Variants in SIPA1L3 observed in about 807,000 individuals in gnomAD.
The protein encoded by SIPA1L3 is signal-induced proliferation-associated 1-like protein 3.
In SIPA1L3, 59 loss-of-function variants were observed where a neutral mutation model predicts 150.1. That is an observed-to-expected ratio of 0.39 (90% CI 0.32 to 0.49). The LOEUF is 0.49. Ranked by LOEUF, SIPA1L3 falls within the 20% of genes least tolerant of loss-of-function variation. The pLI is 0.86. For synonymous variants in SIPA1L3, 1,070 were observed against 1,077.6 expected (o/e 0.99, Z 0.14); for missense variants, 2,211 against 2,489.5 (o/e 0.89, Z 2.38).
intron 1 of SIPA1L3, among the ~76,000 whole-genome samples, chr19:37,973,745 G>A (rs928132851): frequency 6.6e-6 from 1 of 152,144 alleles, no homozygotes; most frequent in African/African-American, 2.4e-5. Context: ...TTGTCCTTTA[G>A]TGAGGGGTAA....
chr19:37,928,112 T>C (rs114859098), intron 1 of SIPA1L3, among the ~76,000 whole-genome samples: 47 of 152,266 alleles, frequency 3.1e-4, no homozygotes, highest in African/African-American at 1.1e-3. Flanking sequence ...GGTAATTCTA[T>C]TTTTAGTTCT....
At chr19:38,188,809 G>T (rs574579007) in intron 16 of SIPA1L3, among the ~76,000 whole-genome samples, 1 of 151,778 alleles carries the variant, frequency 6.6e-6, no homozygotes, top group African/African-American at 2.4e-5. Context: ...TGTAGTCCCA[G>T]CTACTCTGGA....
Position 38,119,733 on chromosome 19 carries a change from G to T in SIPA1L3, c.2719G>T (p.Val907Leu). ...GCTCCTGGACTTACGCACCAAGGAGGTGGTGTTCAACTGCTACTGCGGGGA... is the reference window on the plus strand; with the variant it reads ...GCTCCTGGACTTACGCACCAAGGAGTTGGTGTTCAACTGCTACTGCGGGGA... ...VVLLDLRTKE[V>L]VFNCYCGDVI... Residue 907 changes from valine (V) to leucine (L), a missense_variant, in exon 9 of 22, where the codon GTG becomes TTG. Transcript: ENST00000222345. The T allele has an allele frequency of 6.2e-7, 1 of 1,614,182 alleles. No individual in the cohort carries two copies. Among genetic ancestry groups the T allele is most frequent in the Non-Finnish European group, 8.5e-7 (1 of 1,180,020 alleles).
At chr19:38,122,876 C>A (rs943894144) in intron 9 of SIPA1L3, among the ~76,000 whole-genome samples, 6 of 152,166 alleles carry the variant, frequency 3.9e-5, no homozygotes, top group Admixed American at 3.3e-4. Flanking sequence ...TCGGTGAGGC[C>A]TCGTTATCTA....
intron 1 of SIPA1L3, among the ~76,000 whole-genome samples, chr19:37,937,489 A>G (rs1438209542): frequency 6.6e-6 from 1 of 151,908 alleles, no homozygotes; most frequent in East Asian, 1.9e-4. Context: ...GTGTAATCCC[A>G]GCACTTTGGG....
At chr19:38,144,679 G>A (rs962586422) in intron 12 of SIPA1L3, among the ~76,000 whole-genome samples, 2 of 152,192 alleles carry the variant, frequency 1.3e-5, no homozygotes, top group Non-Finnish European at 2.9e-5. Flanking sequence ...TCAGCAAAGG[G>A]TCTCAAGAGC....
At chr19:38,155,504 A>G (rs961832735) in intron 13 of SIPA1L3, among the ~76,000 whole-genome samples, 2 of 152,214 alleles carry the variant, frequency 1.3e-5, no homozygotes, top group African/African-American at 2.4e-5. Flanking sequence ...GAATATTTTA[A>G]ACATAATTCC....
intron 2 of SIPA1L3, among the ~76,000 whole-genome samples, chr19:38,042,726 A>G (rs1177780459): frequency 6.6e-6 from 1 of 152,246 alleles, no homozygotes; most frequent in Non-Finnish European, 1.5e-5. Context: ...CTTTTATCCA[A>G]AATAAATGAA....
intron 1 of SIPA1L3, among the ~76,000 whole-genome samples, chr19:37,998,422 C>G (rs960323848): frequency 3.3e-5 from 5 of 152,080 alleles, no homozygotes; most frequent in Non-Finnish European, 5.9e-5. Flanking sequence ...AGAAAATGTC[C>G]ATGTTTTTCA....
intron 2 of SIPA1L3, among the ~76,000 whole-genome samples, chr19:38,043,484 T>G (rs1421301670): frequency 6.6e-6 from 1 of 152,224 alleles, no homozygotes. Context: ...AATATCGATG[T>G]GATAGTCTAC....
At position 38,076,501 on chromosome 19, in the gene SIPA1L3, T is replaced by A. The variant is rs573686085; in HGVS notation, c.-310-4755T>A. Among the ~76,000 whole-genome samples, 7 of 152,296 alleles carry A rather than the reference T, an allele frequency of 4.6e-5. No homozygotes were observed. In the South Asian group the frequency reaches 1.5e-3, roughly 32 times the overall value. The stretch of plus-strand genomic sequence containing the variant: ...ATCCATTTGAAACACCGTGTGACAC[T>A]CATCATCTCCGCATGAGCAGTTTGT... On this transcript the variant is annotated intron_variant, in intron 2 of 21. Transcript: ENST00000222345.
Position 38,141,216 on chromosome 19 carries a change from C to T in SIPA1L3, c.3176C>T (p.Ser1059Leu), listed in dbSNP as rs200166953. ...CCGGAGACCTACGACATGAATACCT[C>T]GGAGCCCAAGACGGAGCAGGAAAGC... ...GWPETYDMNT[S>L]EPKTEQESIT... Residue 1059 changes from serine (S) to leucine (L), a missense_variant, in exon 11 of 22, where the codon TCG (serine) becomes TTG (leucine). Physicochemically the swap from Ser to Leu is moderately radical, Grantham distance 145. Coordinates refer to ENST00000222345, the MANE Select transcript of SIPA1L3 (RefSeq NM_015073.3). The T allele has an allele frequency of 3.1e-4, 504 of 1,610,462 alleles. No individual in the cohort carries two copies. The East Asian group carries it at 4.0e-3, about 13-fold the overall frequency.
At chr19:37,925,231 T>TCG (rs1318276974) in intron 1 of SIPA1L3, among the ~76,000 whole-genome samples, 2 of 152,184 alleles carry the variant, frequency 1.3e-5, no homozygotes, top group Non-Finnish European at 2.9e-5. Context: ...AGCTCCATGG[T>TCG]CGTCTTGTGG....
intron 12 of SIPA1L3, among the ~76,000 whole-genome samples, chr19:38,147,405 T>A (rs555068579): frequency 3.7e-4 from 57 of 152,288 alleles, no homozygotes; most frequent in African/African-American, 1.2e-3. Context: ...ATCTTTTTTT[T>A]ATTATTATTT....
chr19:38,002,264 G>A (rs143317208), intron 1 of SIPA1L3, among the ~76,000 whole-genome samples: 1 of 152,158 alleles, frequency 6.6e-6, no homozygotes, highest in East Asian at 1.9e-4. Flanking sequence ...ATTGACGAAT[G>A]TAAGTGTCTC....
intron 1 of SIPA1L3, among the ~76,000 whole-genome samples, chr19:38,001,450 G>A (rs193293138): frequency 2.7e-4 from 41 of 152,298 alleles, no homozygotes; most frequent in Admixed American, 2.4e-3. Context: ...TTCTGAGACA[G>A]GGTCTTGCCC....
intron 13 of SIPA1L3, among the ~76,000 whole-genome samples, chr19:38,159,585 C>T (rs1004394929): frequency 1.2e-4 from 18 of 152,244 alleles, no homozygotes; most frequent in Admixed American, 6.5e-4. Context: ...CCAGCATTGC[C>T]GTTGTTGGTG....
intron 12 of SIPA1L3, among the ~76,000 whole-genome samples, chr19:38,145,043 T>G (rs1161304655): frequency 6.6e-6 from 1 of 151,946 alleles, no homozygotes; most frequent in African/African-American, 2.4e-5. Context: ...GGCACCCAGG[T>G]GACAGCAGGG....
intron 1 of SIPA1L3, among the ~76,000 whole-genome samples, chr19:37,927,687 G>GTA (rs1448783369): frequency 1.8e-4 from 26 of 145,690 alleles, no homozygotes; most frequent in African/African-American, 6.5e-4. Context: ...GTGTGTGTGT[G>GTA]TGTGTATGCA....
Sources: gnomAD v4.1 joint callset for allele counts (sites outside exome capture counted in the v4.1 genomes callset) on GRCh38, gnomAD v4.1.1 for gene constraint, MANE v1.5 for transcripts, NCBI Gene and HGNC (gene_info 2026-07-23, HGNC 2026-07-21) for gene names.